The following LRP1B variants were observed in gnomAD, a reference collection of about 807,000 sequenced individuals.
LRP1B encodes LDL receptor related protein 1B, also known as low-density lipoprotein receptor-related protein 1B.
Under a neutral mutation model 556.6 loss-of-function variants are expected in LRP1B, and 217 were observed. The observed-to-expected ratio is 0.39, with a 90% CI of 0.35 to 0.44. LRP1B has a LOEUF of 0.44. Among genes scored for constraint, LRP1B ranks in the 20% least tolerant of loss-of-function variants. LRP1B has a pLI of 1.00. For synonymous variants in LRP1B, 2,047 were observed against 1,865.8 expected, an observed-to-expected ratio of 1.10 and a Z score of -2.50; for missense variants, 5,053 against 5,620.8, an observed-to-expected ratio of 0.90 and a Z score of 3.23.
chr2:141,803,768 C>G (rs1696086525), intron 2 of LRP1B, among the ~76,000 whole-genome samples: 1 of 152,000 alleles, frequency 6.6e-6, no homozygotes, highest in East Asian at 1.9e-4. Context: ...TAACCTCCCA[C>G]CTGAATTCTA....
chr2:141,955,278 C>T (rs540217233), intron 1 of LRP1B, among the ~76,000 whole-genome samples: 1 of 152,162 alleles, frequency 6.6e-6, no homozygotes, highest in Admixed American at 6.6e-5. Context: ...ATTTCTTTAT[C>T]CTTTTACTAA....
At chr2:141,253,462 C>T (rs182850440) in intron 4 of LRP1B, among the ~76,000 whole-genome samples, 10 of 152,192 alleles carry the variant, frequency 6.6e-5, no homozygotes, top group Admixed American at 6.5e-4. Context: ...AACTAAAATT[C>T]AATTCCCAAA....
At chr2:141,088,501 C>G (rs1410482813) in intron 7 of LRP1B, among the ~76,000 whole-genome samples, 2 of 152,040 alleles carry the variant, frequency 1.3e-5, no homozygotes. Flanking sequence ...AGAAACACAC[C>G]TGAAACGTGG....
At chr2:140,910,607 A>T (rs1215083361) in intron 21 of LRP1B, among the ~76,000 whole-genome samples, 1 of 151,920 alleles carries the variant, frequency 6.6e-6, no homozygotes, top group Non-Finnish European at 1.5e-5. Flanking sequence ...TTTTTAAAAA[A>T]TACAAGGGTT....
intron 84 of LRP1B, among the ~76,000 whole-genome samples, chr2:140,292,385 C>G (rs1455090947): frequency 6.6e-6 from 1 of 152,126 alleles, no homozygotes; most frequent in African/African-American, 2.4e-5. Flanking sequence ...GTAGAAAAAT[C>G]TAATAGAAAC....
chr2:140,864,068 T>G (rs1356746882), intron 27 of LRP1B, among the ~76,000 whole-genome samples: 1 of 151,908 alleles, frequency 6.6e-6, no homozygotes, highest in African/African-American at 2.4e-5. Context: ...CCCTGGCTGT[T>G]AGACCTTGAG....
At chr2:140,318,461 C>T (rs1026148945) in intron 82 of LRP1B, among the ~76,000 whole-genome samples, 21 of 151,978 alleles carry the variant, frequency 1.4e-4, no homozygotes, top group Admixed American at 6.6e-4. Flanking sequence ...AGCAAGATTC[C>T]TTCTTTCAAG....
At chr2:140,387,188 C>T (rs1361756997) in intron 66 of LRP1B, among the ~76,000 whole-genome samples, 1 of 152,168 alleles carries the variant, frequency 6.6e-6, no homozygotes, top group African/African-American at 2.4e-5. Context: ...CAGTCTCAGA[C>T]TAGCAAAACA....
At chr2:140,624,815 G>T (rs1344190631) in intron 41 of LRP1B, among the ~76,000 whole-genome samples, 1 of 152,112 alleles carries the variant, frequency 6.6e-6, no homozygotes, top group Non-Finnish European at 1.5e-5. Flanking sequence ...AATACTAATT[G>T]CAAAAGATAC....
intron 35 of LRP1B, among the ~76,000 whole-genome samples, chr2:140,725,909 C>T (rs180910674): frequency 1.3e-5 from 2 of 152,062 alleles, no homozygotes; most frequent in Admixed American, 1.3e-4. Flanking sequence ...ACCTTAGCAA[C>T]CAGTTTGCAT....
chr2:140,688,721 A>C (rs2105393807), intron 41 of LRP1B, among the ~76,000 whole-genome samples: 1 of 152,312 alleles, frequency 6.6e-6, no homozygotes, highest in Non-Finnish European at 1.5e-5. Flanking sequence ...AGAGACTTAT[A>C]AAATATCTTC....
chr2:140,400,530 A>C (rs1684446844), intron 66 of LRP1B, among the ~76,000 whole-genome samples: 1 of 152,186 alleles, frequency 6.6e-6, no homozygotes, highest in Admixed American at 6.5e-5. Flanking sequence ...TTGTGGGTAT[A>C]GGTTCTAATT....
chr2:141,637,926 G>T (rs1412923772), intron 2 of LRP1B, among the ~76,000 whole-genome samples: 6 of 152,114 alleles, frequency 3.9e-5, no homozygotes, highest in Admixed American at 2.6e-4. Context: ...TTGTTTAAAA[G>T]AACTTTAAAT....
At chr2:141,496,786 G>A (rs1225277072) in intron 2 of LRP1B, among the ~76,000 whole-genome samples, 3 of 151,720 alleles carry the variant, frequency 2.0e-5, no homozygotes, top group African/African-American at 4.8e-5. Flanking sequence ...TTATGAAGAA[G>A]AAAAGAATAG....
At position 141,943,828 on chromosome 2, in the gene LRP1B, TG is replaced by T. The variant is rs549519511; in HGVS notation, c.83-133428del. Reference sequence around the variant, plus strand: ...CATAATGTAGGAAAATCCGGGTTCTTGTCACACGACCAGGAAAGATTAGGCT... The same window carrying T: ...CATAATGTAGGAAAATCCGGGTTCTTTCACACGACCAGGAAAGATTAGGCT... On this transcript the variant is annotated intron_variant, in intron 1 of 90. Coordinates refer to ENST00000389484, the MANE Select transcript of LRP1B (RefSeq NM_018557.3). Among the ~76,000 whole-genome samples the T allele has an allele frequency of 2.1e-3, 325 of 152,310 alleles. 1 individual carries two copies. The highest frequency in any genetic ancestry group is 3.9e-3 in the South Asian group (19 of 4,820).
At chr2:140,272,509 C>T (rs765849876) in intron 85 of LRP1B, among the ~76,000 whole-genome samples, 21 of 152,012 alleles carry the variant, frequency 1.4e-4, no homozygotes, top group Non-Finnish European at 1.9e-4. Flanking sequence ...TGATAGAGTA[C>T]CTGTTCTACT....
chr2:140,415,391 C>G (rs1241402120), intron 66 of LRP1B, among the ~76,000 whole-genome samples: 1 of 152,188 alleles, frequency 6.6e-6, no homozygotes, highest in African/African-American at 2.4e-5. Context: ...TTTGTACCTA[C>G]TCCCTGTTCT....
At chr2:141,789,139 C>T (rs1695523657) in intron 2 of LRP1B, among the ~76,000 whole-genome samples, 1 of 151,992 alleles carries the variant, frequency 6.6e-6, no homozygotes, top group Non-Finnish European at 1.5e-5. Flanking sequence ...AACTAGTTTA[C>T]AGTCCCACCA....
intron 5 of LRP1B, among the ~76,000 whole-genome samples, chr2:141,237,352 T>TG (rs71301758): frequency 0.32 from 42,777 of 133,652 alleles, 6,470 homozygotes; most frequent in East Asian, 0.42. Context: ...TGTGTTCTAG[T>TG]GTTTTTTTTT....
Sources: allele counts gnomAD v4.1 joint callset (sites outside exome capture counted in the v4.1 genomes callset), GRCh38; gene constraint gnomAD v4.1.1; transcripts MANE v1.5; gene names NCBI Gene and HGNC (gene_info 2026-07-23, HGNC 2026-07-21).